The following CACNA1E variants were observed in gnomAD, a reference collection of about 807,000 sequenced individuals.
CACNA1E encodes the protein voltage-dependent R-type calcium channel subunit alpha-1E.
A neutral mutation model predicts 259.2 loss-of-function variants in CACNA1E; 40 were observed. That is an observed-to-expected ratio of 0.15 (90% CI 0.12 to 0.20). CACNA1E has a LOEUF of 0.20. CACNA1E is among the 10% of genes least tolerant of loss of function. The pLI is 1.00. For synonymous variants in CACNA1E, 1,104 were observed against 1,138.5 expected (o/e 0.97, Z 0.61); for missense variants, 1,874 against 3,040.1 (o/e 0.62, Z 9.02).
At chr1:181,622,966 G>A (rs1318374273) in intron 6 of CACNA1E, among the ~76,000 whole-genome samples, 2 of 152,158 alleles carry the variant, frequency 1.3e-5, no homozygotes, top group African/African-American at 2.4e-5. Context: ...ACTTCCTGTG[G>A]TGAAGGAAAT....
intron 1 of CACNA1E, among the ~76,000 whole-genome samples, chr1:181,351,806 T>G (rs1653063659): frequency 6.6e-6 from 1 of 152,220 alleles, no homozygotes; most frequent in Admixed American, 6.5e-5. Flanking sequence ...CCCATCCAGA[T>G]AAATCCAGGA....
intron 3 of CACNA1E, among the ~76,000 whole-genome samples, chr1:181,535,079 A>G (rs1332664453): frequency 6.6e-6 from 1 of 152,212 alleles, no homozygotes; most frequent in Non-Finnish European, 1.5e-5. Flanking sequence ...TAAAAAGAAA[A>G]TAATTGAAGG....
intron 45 of CACNA1E, 60 bp downstream of exon 45, chr1:181,793,853 GAAT>G (rs1661549192): frequency 6.5e-7 from 1 of 1,546,510 alleles, no homozygotes; most frequent in African/African-American, 1.4e-5. Flanking sequence ...CTGGGTTATG[GAAT>G]AATATCTGAT....
intron 7 of CACNA1E, among the ~76,000 whole-genome samples, chr1:181,685,508 G>A (rs1650448468): frequency 6.6e-6 from 1 of 152,012 alleles, no homozygotes; most frequent in Non-Finnish European, 1.5e-5. Flanking sequence ...CCCTCTTGGA[G>A]TATCTCCTTT....
At chr1:181,346,270 C>T (rs1042883326) in intron 1 of CACNA1E, among the ~76,000 whole-genome samples, 5 of 152,252 alleles carry the variant, frequency 3.3e-5, no homozygotes, top group Admixed American at 2.6e-4. Context: ...TTTCCTGGGT[C>T]ATACTTTCTC....
intron 4 of CACNA1E, 135 bp from the exon 5 acceptor site, chr1:181,578,937 C>G (rs1651246357): frequency 7.3e-6 from 5 of 684,354 alleles, no homozygotes; most frequent in Middle Eastern, 4.2e-4. Flanking sequence ...AGGAAAGGAG[C>G]ACATTCTAAT....
At chr1:181,376,350 A>C (rs905054291) in intron 1 of CACNA1E, among the ~76,000 whole-genome samples, 2 of 152,252 alleles carry the variant, frequency 1.3e-5, no homozygotes, top group Non-Finnish European at 2.9e-5. Flanking sequence ...GCGCAGAGGC[A>C]AGAAAGAAGG....
intron 3 of CACNA1E, among the ~76,000 whole-genome samples, chr1:181,546,041 C>T (rs1647416729): frequency 6.6e-6 from 1 of 152,018 alleles, no homozygotes; most frequent in Non-Finnish European, 1.5e-5. Context: ...GGATGACTGG[C>T]CTGTGTTGAC....
At chr1:181,495,768 C>T (rs1484629454) in intron 1 of CACNA1E, among the ~76,000 whole-genome samples, 2 of 152,136 alleles carry the variant, frequency 1.3e-5, no homozygotes, top group Non-Finnish European at 2.9e-5. Flanking sequence ...TTAGCATTGG[C>T]TAATGTGTAT....
chr1:181,397,649 AAGG>A (rs747046517), intron 1 of CACNA1E, among the ~76,000 whole-genome samples: 4 of 152,144 alleles, frequency 2.6e-5, no homozygotes, highest in African/African-American at 7.2e-5. Flanking sequence ...CTCCAGGAAA[AAGG>A]AGGAAAGTGA....
At chr1:181,318,507 G>T (rs1650086995) in intron 1 of CACNA1E, among the ~76,000 whole-genome samples, 4 of 152,222 alleles carry the variant, frequency 2.6e-5, no homozygotes, top group African/African-American at 9.6e-5. Context: ...ACGCGCCGCC[G>T]GGGAGCGGAG....
At chr1:181,395,928 CA>C (rs1348663557) in intron 1 of CACNA1E, among the ~76,000 whole-genome samples, 1 of 152,196 alleles carries the variant, frequency 6.6e-6, no homozygotes, top group African/African-American at 2.4e-5. Flanking sequence ...CTTAAAACAA[CA>C]AAAATGTATT....
intron 7 of CACNA1E, among the ~76,000 whole-genome samples, chr1:181,678,380 T>C (rs1649584303): frequency 1.3e-5 from 2 of 152,214 alleles, no homozygotes; most frequent in African/African-American, 4.8e-5. Flanking sequence ...AAGTCACCAT[T>C]CACCTGAAAA....
At chr1:181,574,472 A>G (rs1329647043) in intron 3 of CACNA1E, among the ~76,000 whole-genome samples, 1 of 152,112 alleles carries the variant, frequency 6.6e-6, no homozygotes, top group Non-Finnish European at 1.5e-5. Context: ...TGCTTCAACA[A>G]ATTTATTAAT....
At chr1:181,734,201 G>T (rs1474445684) in intron 21 of CACNA1E, among the ~76,000 whole-genome samples, 1 of 152,096 alleles carries the variant, frequency 6.6e-6, no homozygotes, top group East Asian at 1.9e-4. Context: ...CATCTGTAAA[G>T]TGAGAGCATT....
chr1:181,741,572 A>T (rs1362562252), intron 25 of CACNA1E, among the ~76,000 whole-genome samples: 1 of 152,156 alleles, frequency 6.6e-6, no homozygotes, highest in Admixed American at 6.5e-5. Context: ...CCCCTTGCCT[A>T]TGCCCGTGTG....
At chr1:181,766,299 G>A (rs942994742) in intron 34 of CACNA1E, among the ~76,000 whole-genome samples, 1 of 152,212 alleles carries the variant, frequency 6.6e-6, no homozygotes, top group African/African-American at 2.4e-5. Flanking sequence ...ATTTATGGGT[G>A]AGTGAATCTC....
chr1:181,781,182 G>A (rs895519063), intron 38 of CACNA1E, among the ~76,000 whole-genome samples: 5 of 152,146 alleles, frequency 3.3e-5, no homozygotes, highest in Non-Finnish European at 7.3e-5. Flanking sequence ...GATATAAACC[G>A]CACCAGGATG....
At chr1:181,436,009 A>T (rs1425983234) in intron 2 of CACNA1E, among the ~76,000 whole-genome samples, 1 of 152,254 alleles carries the variant, frequency 6.6e-6, no homozygotes, top group Non-Finnish European at 1.5e-5. Context: ...AGGAACTCAA[A>T]CGACTTAAGA....
Sources: gnomAD v4.1 joint callset for allele counts (sites outside exome capture counted in the v4.1 genomes callset) on GRCh38, gnomAD v4.1.1 for gene constraint, MANE v1.5 for transcripts, NCBI Gene and HGNC (gene_info 2026-07-23, HGNC 2026-07-21) for gene names.